The following FBF1 variants were observed in gnomAD, a reference collection of about 807,000 sequenced individuals.
The protein encoded by FBF1 is Fas binding factor 1, also known as fas-binding factor 1.
A neutral mutation model predicts 147.2 loss-of-function variants in FBF1; 119 were observed. The observed-to-expected ratio is 0.81, with a 90% confidence interval of 0.70 to 0.94. The LOEUF is 0.94. Ranked by LOEUF, FBF1 falls within the 40% of genes least tolerant of loss-of-function variation. FBF1 has a pLI of 0.00. For synonymous variants in FBF1, 601 were observed against 609.0 expected, an observed-to-expected ratio of 0.99 and a Z score of 0.19; for missense variants, 1,449 against 1,500.8, an observed-to-expected ratio of 0.97 and a Z score of 0.57.
chr17:75,912,831 A>G (rs1433219231), intron 28 of FBF1, among the ~76,000 whole-genome samples: 1 of 152,228 alleles, frequency 6.6e-6, no homozygotes, highest in African/African-American at 2.4e-5. Flanking sequence ...ACCTGAGGTC[A>G]GGAGTTCAAG....
rs999087195 is a variant in FBF1, at chr17:75,922,911, C to T, written c.1424+275G>A. On this transcript the variant is annotated intron_variant, in intron 14 of 29. Transcript: ENST00000636174. This position sits in a 1 kb window ranked among gnomAD's most constrained non-coding sequence, Gnocchi z 5.0. ...CCTCAGGGACCCTCTGTCTTCTCCT[C>T]GATCAAGTTAGCACCTGTCCCCATG... Among the ~76,000 whole-genome samples, 7 of 152,220 alleles carry T rather than the reference C, an allele frequency of 4.6e-5. No individual in the cohort carries two copies. Among genetic ancestry groups the T allele is most frequent in the South Asian group, 2.1e-4 (1 of 4,832 alleles).
At position 75,914,258 on chromosome 17, in the gene FBF1, G is replaced by C; in HGVS notation, c.2855C>G (p.Ala952Gly). ...ELKIRASELR[A>G]EEKQLAAERA... The stretch of plus-strand genomic sequence containing the variant: ...CTCCGCTGCCAGCTGCTTCTCCTCG[G>C]CCCGGAGCTCGCTGGCCCTGATCTT... Residue 952 changes from alanine (A) to glycine (G), a missense_variant, in exon 26 of 30, where the codon GCC (alanine) becomes GGC (glycine). Physicochemically the swap from Ala to Gly is moderately conservative, Grantham distance 60. Coordinates refer to ENST00000636174, the MANE Select transcript of FBF1 (RefSeq NM_001319193.2). The C allele has an allele frequency of 6.3e-7, 1 of 1,593,620 alleles. No individual in the cohort carries two copies. The highest frequency in any genetic ancestry group is 8.5e-7 in the Non-Finnish European group (1 of 1,173,144).
At chr17:75,911,779 G>A (rs998051071) in intron 29 of FBF1, among the ~76,000 whole-genome samples, 1 of 152,142 alleles carries the variant, frequency 6.6e-6, no homozygotes, top group Non-Finnish European at 1.5e-5. Context: ...CCAAAGTGCT[G>A]GGATTACAGG....
Position 75,923,538 on chromosome 17 carries a change from C to A in FBF1, c.1072G>T (p.Asp358Tyr), listed in dbSNP as rs1223674748. Residue 358 changes from aspartate to tyrosine, a missense_variant, in exon 14 of 30, where the codon GAC (aspartate) becomes TAC (tyrosine). Physicochemically the swap from Asp to Tyr is radical, Grantham distance 160. Transcript: ENST00000636174. This position sits in a 1 kb window ranked among gnomAD's most constrained non-coding sequence, Gnocchi z 4.1. ...SPIQPRKGGA[D>Y]WLGLKDEDLD... is the part of the protein sequence containing the mutation. The stretch of plus-strand genomic sequence containing the variant: ...TCCTCGTCCTTGAGGCCCAACCAGT[C>A]AGCTCCTCCCTTCCTGGGCTGGATG... 1.2e-6 allele frequency: 2 copies of A among 1,606,766 alleles called. No individual in the cohort carries two copies. The highest frequency in any genetic ancestry group is 2.2e-5 in the South Asian group (2 of 89,482).
intron 28 of FBF1, 40 bp downstream of exon 28, chr17:75,913,662 C>G: frequency 6.6e-7 from 1 of 1,515,742 alleles, no homozygotes; most frequent in South Asian, 1.2e-5. Context: ...TGCCCCTGCC[C>G]AGTCCTGAGC....
At chr17:75,936,549 C>T (rs1310677772) in intron 3 of FBF1, among the ~76,000 whole-genome samples, 1 of 151,912 alleles carries the variant, frequency 6.6e-6, no homozygotes, top group Non-Finnish European at 1.5e-5. Flanking sequence ...GTGACACATG[C>T]CTGTAATCCC....
Position 75,923,099 on chromosome 17 carries a change from G to A in FBF1, c.1424+87C>T, listed in dbSNP as rs746918847. On this transcript the variant is annotated intron_variant, in intron 14 of 29. Transcript: ENST00000636174. The surrounding 1 kb of genome is among the most constrained non-coding windows in gnomAD (Gnocchi z 4.1). ...CTGCCTTGTTCCCCAACTGCTGACT[G>A]AGGCTGCAACAGGTGAAGGGGCAAA... 7.6e-7 allele frequency: 1 copy of A among 1,318,332 alleles called. No homozygotes were observed. The highest frequency in any genetic ancestry group is 1.0e-6 in the Non-Finnish European group (1 of 975,568). The allele number at this position is 1,318,332 out of a possible 1,614,324, so 81.7% of individuals were successfully genotyped here.
chr17:75,926,204 G>C, intron 11 of FBF1, 41 bp from the exon 12 acceptor site: 1 of 1,604,366 alleles, frequency 6.2e-7, no homozygotes, highest in Non-Finnish European at 8.5e-7. Flanking sequence ...TAGGTATGAG[G>C]GGCTCTCGGG....
At position 75,917,949 on chromosome 17, in the gene FBF1, G is replaced by C. The variant is rs199789116; in HGVS notation, c.2368C>G (p.Arg790Gly). Residue 790 changes from arginine to glycine, a missense_variant, in exon 22 of 30, where the codon CGT becomes GGT. Transcript: ENST00000636174. ...SQERELGIRQ[R>G]DEQLRALQER... is the part of the protein sequence containing the mutation. ...GGCGTACCCCGCAGCTGCTCGTCAC[G>C]CTGCCGGATCCCCAGCTCCCGCTCC... The C allele has an allele frequency of 1.2e-6, 2 of 1,603,168 alleles. No homozygotes were observed. The highest frequency in any genetic ancestry group is 2.7e-5 in the African/African-American group (2 of 74,806).
intron 1 of FBF1, among the ~76,000 whole-genome samples, chr17:75,938,770 G>A (rs2065640678): frequency 6.6e-6 from 1 of 151,646 alleles, no homozygotes; most frequent in South Asian, 2.1e-4. Flanking sequence ...GCAGGCTGAG[G>A]CAGGAGAATC....
intron 3 of FBF1, among the ~76,000 whole-genome samples, chr17:75,937,106 G>A (rs1348435961): frequency 6.6e-6 from 1 of 152,086 alleles, no homozygotes; most frequent in Non-Finnish European, 1.5e-5. Context: ...GAGGACCAGT[G>A]AGGCAACATA....
chr17:75,925,286 G>GCCTGTCTTCCCAGTGGCCGA lies in FBF1; in HGVS notation c.968+41_968+60dup. ...GGTGGGACAGGGGACAGCTGCAGGG[G>GCCTGTCTTCCCAGTGGCCGA]CCTGTCTTCCCAGTGGCCGACCTGT... On this transcript the variant is annotated intron_variant, in intron 13 of 29. Transcript: ENST00000636174. The surrounding 1 kb of genome is among the most constrained non-coding windows in gnomAD (Gnocchi z 5.0). 2 of 1,325,160 alleles carry GCCTGTCTTCCCAGTGGCCGA rather than the reference G, an allele frequency of 1.5e-6. No individual in the cohort carries two copies. Among genetic ancestry groups the GCCTGTCTTCCCAGTGGCCGA allele is most frequent in the Non-Finnish European group, 2.1e-6 (2 of 941,594 alleles). 82.1% of individuals were successfully genotyped at this position (1,325,160 alleles called of 1,614,324 possible).
rs781440384 is a variant in FBF1, at chr17:75,920,307, A to G, written c.1797T>C (p.His599=). ...CCAGCTCTGCCAGCCGGGCCTGGCTATGCAGCAGCTCGGCCTGGAGCTCAG... is the reference window on the plus strand; with the variant it reads ...CCAGCTCTGCCAGCCGGGCCTGGCTGTGCAGCAGCTCGGCCTGGAGCTCAG... ...SPAELQAELL[H]SQARLAELEA... is the part of the protein sequence containing the mutation. The change falls in exon 18 of 30, where the codon CAT becomes CAC. Residue 599 remains histidine, a synonymous_variant. Transcript: ENST00000636174. 5.6e-5 allele frequency: 90 copies of G among 1,611,316 alleles called. No homozygotes were observed. Among genetic ancestry groups the G allele is most frequent in the Non-Finnish European group, 7.0e-5 (83 of 1,179,274 alleles).
chr17:75,922,167 C>T lies in FBF1; in HGVS notation c.1425-121G>A, dbSNP rs981796237. On this transcript the variant is annotated intron_variant, in intron 14 of 29. Coordinates refer to ENST00000636174, the MANE Select transcript of FBF1 (RefSeq NM_001319193.2). The surrounding 1 kb of genome is among the most constrained non-coding windows in gnomAD (Gnocchi z 5.0). ...TGGCCCCCCTTCCTCCTGCTTCCACCATCCCGTCTTGGGGCATTCTCCTCC... is the reference window on the plus strand; with the variant it reads ...TGGCCCCCCTTCCTCCTGCTTCCACTATCCCGTCTTGGGGCATTCTCCTCC... 1.4e-4 allele frequency: 112 copies of T among 784,180 alleles called. No individual in the cohort carries two copies. In the East Asian group the frequency reaches 3.0e-3, roughly 21 times the overall value. The allele number at this position is 784,180 out of a possible 1,614,324, so 48.6% of individuals were successfully genotyped here. A position where few individuals can be genotyped will look rare whatever the true frequency, so the allele number is the denominator to read the frequency against.
chr17:75,927,047 A>C (rs142289652), intron 9 of FBF1, among the ~76,000 whole-genome samples, 170 bp from the exon 10 acceptor site: 4 of 152,156 alleles, frequency 2.6e-5, no homozygotes, highest in African/African-American at 9.7e-5. Flanking sequence ...CCACAAAAAG[A>C]CAGGCCGGGC....
intron 28 of FBF1, among the ~76,000 whole-genome samples, chr17:75,912,812 G>A (rs973923438): frequency 6.6e-6 from 1 of 152,200 alleles, no homozygotes; most frequent in Non-Finnish European, 1.5e-5. Context: ...AGGCCAAGGC[G>A]GGTGGATCAC....
rs751303620 is a variant in FBF1, at chr17:75,925,401, T to G, written c.914A>C (p.Tyr305Ser). ...CTCAGAGGAGACCACAGTGGGCTGA[T>G]AGGCTCCAAAGGTGAAGTCCTCGTC... ...WGDEDFTFGA[Y>S]QPTVVSSEGR... is the part of the protein sequence containing the mutation. Residue 305 changes from tyrosine to serine, a missense_variant, in exon 13 of 30, where the codon TAT becomes TCT. Transcript: ENST00000636174. This position sits in a 1 kb window ranked among gnomAD's most constrained non-coding sequence, Gnocchi z 5.0. 2 of 1,613,756 alleles carry G rather than the reference T, an allele frequency of 1.2e-6. No individual in the cohort carries two copies. The highest frequency in any genetic ancestry group is 1.7e-6 in the Non-Finnish European group (2 of 1,179,838).
intron 17 of FBF1, 48 bp from the exon 18 acceptor site, chr17:75,920,477 C>T (rs1349731041): frequency 6.5e-7 from 1 of 1,535,740 alleles, no homozygotes; most frequent in East Asian, 2.3e-5. Context: ...GGGACAGGGG[C>T]CCAGCTGAGA....
rs1213032040 is a variant in FBF1 at position 75,913,721 on chromosome 17, AGGGCCCT to A, written c.3221_3227del (p.Gln1074LeufsTer40). ...ACTCACCACTCTGGCTGGAGGCTGCAGGGCCCTGGGCCCTGGGGAACAGACCCACGAG... is the reference window on the plus strand; with the variant it reads ...ACTCACCACTCTGGCTGGAGGCTGCAGGGCCCTGGGGAACAGACCCACGAG... On this transcript the variant is annotated frameshift_variant, in exon 28 of 30. Coordinates refer to ENST00000636174, the MANE Select transcript of FBF1 (RefSeq NM_001319193.2). LOFTEE classifies it high-confidence loss of function. The A allele has an allele frequency of 6.3e-7, 1 of 1,598,176 alleles. No individual in the cohort carries two copies. The highest frequency in any genetic ancestry group is 8.5e-7 in the Non-Finnish European group (1 of 1,178,714).
Sources: allele counts gnomAD v4.1 joint callset (sites outside exome capture counted in the v4.1 genomes callset), GRCh38; gene constraint gnomAD v4.1.1; non-coding constraint Gnocchi (gnomAD v3.1); transcripts MANE v1.5; gene names NCBI Gene and HGNC (gene_info 2026-07-23, HGNC 2026-07-21).